MAGI1: variants seen among roughly 807,000 people sequenced by gnomAD.
MAGI1 encodes membrane-associated guanylate kinase, WW and PDZ domain-containing protein 1.
MAGI1 carries 58 observed loss-of-function variants against 139.9 expected under a neutral mutation model. The observed-to-expected ratio is 0.41, with a 90% CI of 0.34 to 0.52. The LOEUF (loss-of-function observed/expected upper bound fraction) is 0.52, where lower values mean the gene tolerates loss of function less well. Ranked by LOEUF, MAGI1 falls within the 20% of genes least tolerant of loss-of-function variation. The probability of loss-of-function intolerance (pLI) is 0.12; values close to 1 mark genes in which losing one functional copy is unlikely to be tolerated. For missense variants in MAGI1, 1,874 were observed against 1,901.6 expected (o/e 0.99, Z 0.27); for synonymous variants, 812 against 737.9 (o/e 1.10, Z -1.63).
At chr3:65,656,565 T>C (rs1489538808) in intron 1 of MAGI1, among the ~76,000 whole-genome samples, 2 of 148,810 alleles carry the variant, frequency 1.3e-5, no homozygotes, top group Non-Finnish European at 3.0e-5. Flanking sequence ...AAAAGAACAC[T>C]TGAAAATCTT....
In MAGI1 at chr3:65,493,573, A is replaced by G. The variant is rs377507377; in HGVS notation, c.489T>C (p.Thr163=). ...GCTCGAGGTCCAAGAACTCCTTCAC[A>G]GTCAGAAAGTTATAGTCCACGCCAG... is the stretch of plus-strand genomic sequence containing the variant. ...EVPGVDYNFL[T]VKEFLDLEQS... is the part of the protein sequence containing the mutation. The change falls in exon 3 of 23, where the codon ACT becomes ACC. Residue 163 remains threonine, a synonymous_variant. Transcript: ENST00000402939. 5 of 1,614,078 alleles carry G rather than the reference A, an allele frequency of 3.1e-6. No individual in the cohort carries two copies. The African/African-American group carries it at 5.3e-5, about 17-fold the overall frequency.
chr3:65,901,781 C>T (rs1343656605), intron 1 of MAGI1, among the ~76,000 whole-genome samples: 1 of 152,166 alleles, frequency 6.6e-6, no homozygotes, highest in African/African-American at 2.4e-5. Flanking sequence ...TCAGCACCCT[C>T]CACAATTTTG....
chr3:65,891,674 G>A (rs1465585588), intron 1 of MAGI1, among the ~76,000 whole-genome samples: 1 of 143,150 alleles, frequency 7.0e-6, no homozygotes, highest in Non-Finnish European at 1.5e-5. Context: ...CAAGCAACAT[G>A]CATGACAATA....
intron 13 of MAGI1, among the ~76,000 whole-genome samples, chr3:65,394,511 C>G (rs989945495): frequency 6.6e-6 from 1 of 152,190 alleles, no homozygotes; most frequent in South Asian, 2.1e-4. Flanking sequence ...ACACAATAAT[C>G]TGGAAGCTTT....
At chr3:65,777,575 G>C (rs1706540381) in intron 1 of MAGI1, among the ~76,000 whole-genome samples, 1 of 149,322 alleles carries the variant, frequency 6.7e-6, no homozygotes, top group South Asian at 2.1e-4. Flanking sequence ...GGAGGTTGAG[G>C]CTGCAGTGAG....
intron 4 of MAGI1, among the ~76,000 whole-genome samples, chr3:65,475,328 C>T (rs1416500765): frequency 1.3e-5 from 2 of 152,124 alleles, no homozygotes; most frequent in African/African-American, 4.8e-5. Flanking sequence ...ATTCTCCTGC[C>T]TTGGCCTCCT....
At chr3:65,444,111 GT>G (rs1333235663) in intron 7 of MAGI1, among the ~76,000 whole-genome samples, 1 of 152,110 alleles carries the variant, frequency 6.6e-6, no homozygotes, top group Non-Finnish European at 1.5e-5. Context: ...AAAGAGACAG[GT>G]TTTCCCCCCT....
At chr3:65,488,479 G>T (rs1252642653) in intron 3 of MAGI1, among the ~76,000 whole-genome samples, 1 of 150,578 alleles carries the variant, frequency 6.6e-6, no homozygotes, top group East Asian at 2.0e-4. Flanking sequence ...TGGGACTATA[G>T]GCATGCACCA....
intron 2 of MAGI1, among the ~76,000 whole-genome samples, chr3:65,503,076 C>T (rs144615024): frequency 6.7e-4 from 102 of 152,190 alleles, no homozygotes; most frequent in Non-Finnish European, 8.8e-4. Context: ...CTGCCCCCTC[C>T]CCACTCCCAG....
intron 5 of MAGI1, among the ~76,000 whole-genome samples, chr3:65,467,949 G>A (rs1950273471): frequency 6.6e-6 from 1 of 152,148 alleles, no homozygotes; most frequent in South Asian, 2.1e-4. Context: ...TAATGATGAT[G>A]AAAATGGTAA....
chr3:65,560,560 G>A (rs980264655), intron 2 of MAGI1, among the ~76,000 whole-genome samples: 16 of 152,184 alleles, frequency 1.1e-4, no homozygotes, highest in East Asian at 5.8e-4. Context: ...TAAAGGAGCC[G>A]GTCATCTGCA....
At chr3:65,535,366 T>C (rs1250771611) in intron 2 of MAGI1, among the ~76,000 whole-genome samples, 1 of 152,162 alleles carries the variant, frequency 6.6e-6, no homozygotes, top group East Asian at 1.9e-4. Flanking sequence ...CTAAATGAGA[T>C]GCCTTGTCTC....
chr3:65,501,369 G>A (rs897441992), intron 2 of MAGI1, among the ~76,000 whole-genome samples: 1 of 148,966 alleles, frequency 6.7e-6, no homozygotes, highest in South Asian at 2.1e-4. Context: ...CTACTTGGGA[G>A]GCTGAGGCAG....
At chr3:65,858,356 G>T (rs976860677) in intron 1 of MAGI1, among the ~76,000 whole-genome samples, 1 of 152,124 alleles carries the variant, frequency 6.6e-6, no homozygotes, top group African/African-American at 2.4e-5. Context: ...AGGAAAAGGA[G>T]CTCAGCCTAC....
rs570595605 is a variant in MAGI1, at chr3:65,622,052, T to C, written c.350A>G (p.Asn117Ser). The change falls in exon 2 of 23, where the codon AAT (asparagine) becomes AGT (serine). Residue 117 changes from asparagine to serine, a missense_variant. This residue lies in a region of MAGI1 where 648 missense variants were observed against 598.1 expected (regional missense o/e 1.08). Transcript: ENST00000402939. ...AGGAGACCCCTTCTGGAATCGCTGATTGAGAAAATGTCGCAGGTCCTTGTT... is the reference window on the plus strand; with the variant it reads ...AGGAGACCCCTTCTGGAATCGCTGACTGAGAAAATGTCGCAGGTCCTTGTT... ...RLNKDLRHFL[N>S]QRFQKGSPDH... is the part of the protein sequence containing the mutation. 13 of 1,614,034 alleles carry C rather than the reference T, an allele frequency of 8.1e-6. No homozygotes were observed. Among genetic ancestry groups the C allele is most frequent in the South Asian group, 4.4e-5 (4 of 91,080 alleles).
chr3:65,423,292 C>CT (rs1946765631), intron 12 of MAGI1, among the ~76,000 whole-genome samples: 1 of 152,146 alleles, frequency 6.6e-6, no homozygotes, highest in Non-Finnish European at 1.5e-5. Flanking sequence ...TGCCTGATCA[C>CT]TTGGGTTTAA....
At chr3:65,798,597 C>T (rs571641768) in intron 1 of MAGI1, among the ~76,000 whole-genome samples, 2 of 152,124 alleles carry the variant, frequency 1.3e-5, no homozygotes, top group African/African-American at 2.4e-5. Context: ...TTCGCAGATT[C>T]ATGCTGATTG....
chr3:65,391,325 A>G lies in MAGI1; in HGVS notation c.2233T>C (p.Ser745Pro). The G allele has an allele frequency of 6.2e-7, 1 of 1,614,168 alleles. No homozygotes were observed. Among genetic ancestry groups the G allele is most frequent in the East Asian group, 2.2e-5 (1 of 44,884 alleles). Residue 745 changes from serine to proline, a missense_variant, in exon 14 of 23, where the codon TCT (serine) becomes CCT (proline). Ser to Pro is a moderately conservative substitution (Grantham distance 74, BLOSUM62 -1). Around this residue, in one of 5 missense-constraint regions of MAGI1, gnomAD observed 482 missense variants for 509.6 expected, o/e 0.95. Coordinates refer to ENST00000402939, the MANE Select transcript of MAGI1 (RefSeq NM_001033057.2). Reference sequence around the variant, plus strand: ...CGGTGGCTGGAAACACTGTGCTGAGAACTATTCTGGCTGTCTTTCCTTTCC... The same window carrying G: ...CGGTGGCTGGAAACACTGTGCTGAGGACTATTCTGGCTGTCTTTCCTTTCC... ...PLERKDSQNS[S>P]QHSVSSHRSL...
chr3:65,723,013 G>T (rs2107695573), intron 1 of MAGI1, among the ~76,000 whole-genome samples: 1 of 151,694 alleles, frequency 6.6e-6, no homozygotes, highest in South Asian at 2.1e-4. Flanking sequence ...GGAGCTCAAA[G>T]ATCACTGAGA....
Sources: allele counts gnomAD v4.1 joint callset (sites outside exome capture counted in the v4.1 genomes callset), GRCh38; gene constraint gnomAD v4.1.1; regional missense constraint gnomAD v4.1.1; transcripts MANE v1.5; gene names NCBI Gene and HGNC (gene_info 2026-07-23, HGNC 2026-07-21).